Variants in SAMMSON observed in about 807,000 individuals in gnomAD.
SAMMSON encodes the protein survival associated mitochondrial melanoma specific oncogenic non-coding RNA.
intron 4 of SAMMSON, among the ~76,000 whole-genome samples, chr3:70,212,676 A>G (rs373849054): frequency 5.3e-5 from 8 of 152,260 alleles, no homozygotes; most frequent in Admixed American, 3.3e-4. Flanking sequence ...TCAAAATTAT[A>G]CTTTGGACAA....
intron 6 of SAMMSON, among the ~76,000 whole-genome samples, chr3:70,266,937 G>T (rs567159979): frequency 1.2e-4 from 18 of 152,280 alleles, no homozygotes; most frequent in African/African-American, 3.9e-4. Context: ...TTAGATTATT[G>T]GAAATTTGTT....
chr3:70,028,107 TCCTTC>T (rs1212641407), intron 3 of SAMMSON, among the ~76,000 whole-genome samples: 4 of 149,148 alleles, frequency 2.7e-5, no homozygotes, highest in Non-Finnish European at 4.5e-5. Context: ...CTTCCTTCCT[TCCTTC>T]CCTTCCTTCC....
At chr3:70,194,370 G>A (rs1701155356) in intron 4 of SAMMSON, among the ~76,000 whole-genome samples, 1 of 152,132 alleles carries the variant, frequency 6.6e-6, no homozygotes, top group Non-Finnish European at 1.5e-5. Flanking sequence ...TCTGATATTT[G>A]TATTTAATCA....
At chr3:70,039,165 C>T (rs1387976821) in intron 3 of SAMMSON, among the ~76,000 whole-genome samples, 1 of 152,144 alleles carries the variant, frequency 6.6e-6, no homozygotes. Flanking sequence ...CCACTGAGTA[C>T]TTGACCTGCC....
At chr3:70,116,379 G>A (rs1189007517) in intron 4 of SAMMSON, among the ~76,000 whole-genome samples, 1 of 145,054 alleles carries the variant, frequency 6.9e-6, no homozygotes, top group East Asian at 2.0e-4. Context: ...TATTTTTCTG[G>A]GATTCTTTAG....
chr3:70,325,928 G>A (rs1473050281), intron 7 of SAMMSON, among the ~76,000 whole-genome samples: 1 of 152,082 alleles, frequency 6.6e-6, no homozygotes, highest in Admixed American at 6.6e-5. Flanking sequence ...CGGATGAACT[G>A]TGTTTCTTCA....
intron 2 of SAMMSON, among the ~76,000 whole-genome samples, chr3:70,399,213 G>A (rs760232512): frequency 5.3e-5 from 8 of 152,118 alleles, no homozygotes; most frequent in South Asian, 2.1e-4. Flanking sequence ...GTTTATTTCC[G>A]TTTTAGAGGC....
chr3:70,067,667 A>G (rs144907706), intron 3 of SAMMSON, among the ~76,000 whole-genome samples: 4 of 152,260 alleles, frequency 2.6e-5, no homozygotes, highest in African/African-American at 7.2e-5. Context: ...GTTTCTTGTC[A>G]TTTATGCATT....
chr3:70,061,198 A>C (rs1301575407), intron 3 of SAMMSON, among the ~76,000 whole-genome samples: 1 of 151,956 alleles, frequency 6.6e-6, no homozygotes, highest in East Asian at 1.9e-4. Flanking sequence ...AGAAAAATGA[A>C]TTTGGGTTTG....
At chr3:70,171,460 G>T (rs1201576908) in intron 4 of SAMMSON, among the ~76,000 whole-genome samples, 1 of 151,732 alleles carries the variant, frequency 6.6e-6, no homozygotes, top group African/African-American at 2.4e-5. Flanking sequence ...ACTGTTCAGA[G>T]AATTTATAGG....
intron 7 of SAMMSON, among the ~76,000 whole-genome samples, chr3:70,294,493 A>G (rs1263162529): frequency 6.6e-6 from 1 of 152,154 alleles, no homozygotes; most frequent in East Asian, 1.9e-4. Flanking sequence ...GGAGAAAGAG[A>G]TCCCAAAAAT....
intron 4 of SAMMSON, among the ~76,000 whole-genome samples, chr3:70,164,289 G>A (rs1464724840): frequency 4.6e-5 from 7 of 151,840 alleles, no homozygotes; most frequent in Admixed American, 2.6e-4. Flanking sequence ...ATCTACTCAT[G>A]GTAATAATAC....
intron 2 of SAMMSON, among the ~76,000 whole-genome samples, chr3:70,410,591 T>G (rs2287319): frequency 0.25 from 38,771 of 152,066 alleles, 5,077 homozygotes; most frequent in East Asian, 0.32. Context: ...ATTTCTTTAC[T>G]GCAAGATTTT....
At chr3:70,383,787 G>A (rs1024688039) in intron 9 of SAMMSON, among the ~76,000 whole-genome samples, 7 of 151,820 alleles carry the variant, frequency 4.6e-5, no homozygotes, top group Non-Finnish European at 7.4e-5. Context: ...AGATATGTAA[G>A]GTATTATTGC....
At chr3:70,020,200 T>C (rs2067006325) in intron 3 of SAMMSON, among the ~76,000 whole-genome samples, 1 of 152,130 alleles carries the variant, frequency 6.6e-6, no homozygotes, top group Admixed American at 6.6e-5. Flanking sequence ...GTACTAAATA[T>C]GGATCTAAAA....
At chr3:70,016,048 G>A (rs955056739) in intron 3 of SAMMSON, among the ~76,000 whole-genome samples, 1 of 152,140 alleles carries the variant, frequency 6.6e-6, no homozygotes, top group African/African-American at 2.4e-5. Context: ...CTTTATAGCA[G>A]CATGATTTAT....
chr3:70,379,835 G>A (rs1038562204), intron 9 of SAMMSON, among the ~76,000 whole-genome samples: 1 of 152,066 alleles, frequency 6.6e-6, no homozygotes, highest in African/African-American at 2.4e-5. Flanking sequence ...GATTTTCAAG[G>A]TGTAAAATAT....
intron 9 of SAMMSON, among the ~76,000 whole-genome samples, chr3:70,376,713 A>G (rs986645603): frequency 6.6e-6 from 1 of 152,140 alleles, no homozygotes; most frequent in African/African-American, 2.4e-5. Flanking sequence ...TCAGCCCACT[A>G]TTAAAGATTT....
At chr3:70,252,536 A>T (rs536571492) in intron 6 of SAMMSON, among the ~76,000 whole-genome samples, 2 of 152,320 alleles carry the variant, frequency 1.3e-5, no homozygotes, top group Admixed American at 6.5e-5. Context: ...GCAAAAGCTA[A>T]GTGAGGCTAG....
Sources: gnomAD v4.1 joint callset for allele counts (sites outside exome capture counted in the v4.1 genomes callset) on GRCh38, gnomAD v4.1.1 for gene constraint, MANE v1.5 for transcripts, NCBI Gene and HGNC (gene_info 2026-07-23, HGNC 2026-07-21) for gene names.